CFAP91: variants seen among roughly 807,000 people sequenced by gnomAD.
CFAP91 encodes cilia and flagella associated protein 91.
Under a neutral mutation model 95.9 loss-of-function variants are expected in CFAP91, and 85 were observed. The ratio of observed to expected loss-of-function variants is 0.89; its 90% CI spans 0.74 to 1.06. CFAP91 has a LOEUF of 1.06. Among genes scored for constraint, CFAP91 ranks in the 50% least tolerant of loss-of-function variants. The probability of loss-of-function intolerance (pLI) is 0.00; values close to 1 mark genes in which losing one functional copy is unlikely to be tolerated. For missense variants in CFAP91, 962 were observed against 943.4 expected (o/e 1.02, Z -0.26); for synonymous variants, 335 against 327.5 (o/e 1.02, Z -0.25).
intron 16 of CFAP91, chr3:119,750,411 G>A: frequency 6.3e-6 from 1 of 158,422 alleles, no homozygotes; most frequent in South Asian, 1.8e-4. Context: ...AATATTCTTA[G>A]AATTTGGAGC....
In CFAP91 at chr3:119,740,299, C is replaced by A. The variant is rs144974704; in HGVS notation, c.1534-250C>A. On this transcript the variant is annotated intron_variant, in intron 12 of 17. Transcript: ENST00000273390. ...GATGACCCTGGAGTTGTCATCTTGT[C>A]CTTGAGAGGCATTCTCAGAAATTAA... Among the ~76,000 whole-genome samples, 132 of 152,312 alleles carry A rather than the reference C, an allele frequency of 8.7e-4. 1 individual carries two copies. Among genetic ancestry groups the A allele is most frequent in the African/African-American group, 3.0e-3 (124 of 41,558 alleles).
intron 1 of CFAP91, among the ~76,000 whole-genome samples, chr3:119,703,554 A>G (rs1002029022): frequency 1.2e-4 from 18 of 152,248 alleles, no homozygotes; most frequent in African/African-American, 3.6e-4. Flanking sequence ...CCTGCATAAA[A>G]TGCCCTACAA....
chr3:119,711,441 G>C (rs1342205157), intron 5 of CFAP91, among the ~76,000 whole-genome samples: 1 of 152,204 alleles, frequency 6.6e-6, no homozygotes, highest in Admixed American at 6.5e-5. Context: ...GGTCATAACT[G>C]CCTCAGTCTA....
intron 11 of CFAP91, among the ~76,000 whole-genome samples, chr3:119,738,609 A>T (rs967088823): frequency 6.6e-6 from 1 of 151,890 alleles, no homozygotes; most frequent in Non-Finnish European, 1.5e-5. Flanking sequence ...CTGGCCTCCC[A>T]AAGTGCTAGG....
chr3:119,753,010 A>G (rs2054354455), intron 17 of CFAP91, among the ~76,000 whole-genome samples: 1 of 152,190 alleles, frequency 6.6e-6, no homozygotes, highest in Admixed American at 6.5e-5. Context: ...ATGTCTAGGG[A>G]AAGGGGCAGT....
chr3:119,745,637 A>C (rs1054266995), intron 14 of CFAP91, among the ~76,000 whole-genome samples: 1 of 152,250 alleles, frequency 6.6e-6, no homozygotes, highest in Non-Finnish European at 1.5e-5. Context: ...TAATTGATCC[A>C]TATAGATCCA....
chr3:119,759,933 A>G (rs547843704), intron 17 of CFAP91, among the ~76,000 whole-genome samples: 147 of 152,000 alleles, frequency 9.7e-4, no homozygotes, highest in African/African-American at 3.3e-3. Context: ...AAAGTCACCT[A>G]ATTACAAAGG....
intron 3 of CFAP91, 37 bp from the exon 4 acceptor site, chr3:119,708,554 T>C: frequency 1.5e-6 from 2 of 1,339,012 alleles, no homozygotes; most frequent in Non-Finnish European, 1.1e-6. Context: ...TGTGGAAATA[T>C]TTTAGACTTG....
intron 16 of CFAP91, chr3:119,750,517 C>A: frequency 5.2e-6 from 1 of 192,302 alleles, no homozygotes; most frequent in Non-Finnish European, 1.1e-5. Context: ...AAGTATAAGA[C>A]TAGGTCTTTA....
intron 10 of CFAP91, among the ~76,000 whole-genome samples, chr3:119,736,908 C>T (rs1331272841): frequency 6.6e-6 from 1 of 152,002 alleles, no homozygotes. Flanking sequence ...GCAATCTCAG[C>T]TCACTGCAAT....
intron 17 of CFAP91, among the ~76,000 whole-genome samples, chr3:119,759,622 A>ACCCC (rs2054496652): frequency 6.6e-6 from 1 of 151,978 alleles, no homozygotes; most frequent in Non-Finnish European, 1.5e-5. Flanking sequence ...ATGGTGTGTA[A>ACCCC]ATCACTTTTT....
At chr3:119,734,820 C>CT (rs1559759425) in intron 10 of CFAP91, among the ~76,000 whole-genome samples, 2 of 152,016 alleles carry the variant, frequency 1.3e-5, no homozygotes, top group Middle Eastern at 3.4e-3. Flanking sequence ...CTTCCTTTTT[C>CT]TTTTTTTGAG....
rs774625093 is a variant in CFAP91, at chr3:119,703,041, C to T, written c.-58C>T. On this transcript the variant is annotated 5_prime_UTR_variant, in exon 1 of 18. The change creates a new upstream start codon in the 5' untranslated region. Coordinates refer to ENST00000273390, the MANE Select transcript of CFAP91 (RefSeq NM_033364.4). ...GCGGCCGTTACCATAGCGACGTGCACGCAGTAGCCAGGCCTGACCCGCTGG... is the reference window on the plus strand; with the variant it reads ...GCGGCCGTTACCATAGCGACGTGCATGCAGTAGCCAGGCCTGACCCGCTGG... 5.8e-4 allele frequency: 895 copies of T among 1,530,300 alleles called. No homozygotes were observed. The highest frequency in any genetic ancestry group is 7.5e-4 in the Non-Finnish European group (846 of 1,133,416). 94.8% of individuals were successfully genotyped at this position (1,530,300 alleles called of 1,614,324 possible). A position where few individuals can be genotyped will look rare whatever the true frequency, so the allele number is the denominator to read the frequency against.
Position 119,732,313 on chromosome 3 carries a change from A to C in CFAP91, c.1038A>C (p.Gly346=). The C allele has an allele frequency of 6.2e-7, 1 of 1,602,488 alleles. No individual in the cohort carries two copies. The part of the protein sequence containing the change: ...THVSTIRKLV[G]KRKNIEGKLE... ...TTTCAGCAATCAGAAAACTTGTAGG[A>C]AAGAGAAAGAATATAGAAGGGAAGT... Residue 346 remains glycine, a synonymous_variant, in exon 9 of 18, where the codon GGA becomes GGC. Transcript: ENST00000273390.
In CFAP91 at chr3:119,765,684, G is replaced by A. The variant is rs949621658; in HGVS notation, c.*634G>A. ...TTCATGCAACAGCCATAGAGATGGTGCTATTGAAAGGCAATCTGCCCATCC... is the reference window on the plus strand; with the variant it reads ...TTCATGCAACAGCCATAGAGATGGTACTATTGAAAGGCAATCTGCCCATCC... On this transcript the variant is annotated 3_prime_UTR_variant, in exon 18 of 18. Coordinates refer to ENST00000273390, the MANE Select transcript of CFAP91 (RefSeq NM_033364.4). 6.6e-6 allele frequency: 1 copy of A among 152,222 alleles called. No individual in the cohort carries two copies. The highest frequency in any genetic ancestry group is 2.4e-5 in the African/African-American group (1 of 41,468). 9.4% of individuals were successfully genotyped at this position (152,222 alleles called of 1,614,324 possible).
chr3:119,717,450 C>G (rs1001768384), intron 6 of CFAP91, among the ~76,000 whole-genome samples: 2 of 152,048 alleles, frequency 1.3e-5, no homozygotes, highest in African/African-American at 4.8e-5. Context: ...CTACTCCTAC[C>G]ATTTGTGGGA....
chr3:119,705,644 A>T (rs943753678), intron 1 of CFAP91, among the ~76,000 whole-genome samples: 2 of 152,148 alleles, frequency 1.3e-5, no homozygotes, highest in African/African-American at 4.8e-5. Context: ...TTGCAACCCA[A>T]TCTTCCTTAC....
intron 17 of CFAP91, among the ~76,000 whole-genome samples, chr3:119,757,568 GC>G (rs2054457175): frequency 6.6e-6 from 1 of 152,022 alleles, no homozygotes; most frequent in African/African-American, 2.4e-5. Flanking sequence ...GATTGCTTGA[GC>G]CCAGGAGGCA....
chr3:119,765,868 T>C lies in CFAP91; in HGVS notation c.*818T>C, dbSNP rs1341485378. The C allele has an allele frequency of 6.6e-6, 1 of 152,238 alleles. No individual in the cohort carries two copies. The highest frequency in any genetic ancestry group is 6.5e-5 in the Admixed American group (1 of 15,286). 9.4% of individuals were successfully genotyped at this position (152,238 alleles called of 1,614,324 possible). On this transcript the variant is annotated 3_prime_UTR_variant, in exon 18 of 18. Coordinates refer to ENST00000273390, the MANE Select transcript of CFAP91 (RefSeq NM_033364.4). ...TATGCTACTCTGAAAACAAAGCTTA[T>C]GTTAGAGAATATCTTACTGTAAGAA... is the stretch of plus-strand genomic sequence containing the variant.
Sources: gnomAD v4.1 joint callset for allele counts (sites outside exome capture counted in the v4.1 genomes callset) on GRCh38, gnomAD v4.1.1 for gene constraint, MANE v1.5 for transcripts, NCBI Gene and HGNC (gene_info 2026-07-23, HGNC 2026-07-21) for gene names.